Variants in CFAP58 observed in about 807,000 individuals in gnomAD.
The protein encoded by CFAP58 is cilia and flagella associated protein 58, also known as cilia- and flagella-associated protein 58.
A neutral mutation model predicts 119.5 loss-of-function variants in CFAP58; 88 were observed. The observed-to-expected ratio is 0.74, with a 90% CI of 0.62 to 0.88. The LOEUF (loss-of-function observed/expected upper bound fraction) is 0.88. Ranked by LOEUF, CFAP58 falls within the 40% of genes least tolerant of loss-of-function variation. The pLI is 0.00. For synonymous variants in CFAP58, 365 were observed against 366.3 expected, an observed-to-expected ratio of 1.00 and a Z score of 0.04; for missense variants, 990 against 1,021.2, an observed-to-expected ratio of 0.97 and a Z score of 0.42.
At chr10:104,343,388 G>T in the CFAP58 span, among the ~76,000 whole-genome samples, 1 of 152,204 alleles carries the variant, frequency 6.6e-6, no homozygotes, top group Non-Finnish European at 1.5e-5. Context: ...TTGCTGGTTA[G>T]TGACTGAATA....
chr10:104,440,413 A>G (rs1589937203), intron 15 of CFAP58, among the ~76,000 whole-genome samples: 1 of 152,238 alleles, frequency 6.6e-6, no homozygotes, highest in Admixed American at 6.5e-5. Flanking sequence ...CGGTAATCTG[A>G]TACCCATCCT....
intron 14 of CFAP58, among the ~76,000 whole-genome samples, chr10:104,406,302 C>T (rs1283188606): frequency 6.6e-6 from 1 of 152,168 alleles, no homozygotes; most frequent in Non-Finnish European, 1.5e-5. Flanking sequence ...AGAAGACATA[C>T]TGTCTCCTAG....
intron 8 of CFAP58, 73 bp from the exon 9 acceptor site, chr10:104,379,956 G>A (rs1181050045): frequency 4.9e-6 from 6 of 1,214,510 alleles, no homozygotes; most frequent in Non-Finnish European, 7.0e-6. Context: ...TTAGAGATGA[G>A]GCAGAGGGTA....
At chr10:104,378,112 GTATTTTT>G (rs1201409313) in intron 8 of CFAP58, among the ~76,000 whole-genome samples, 1 of 152,076 alleles carries the variant, frequency 6.6e-6, no homozygotes, top group African/African-American at 2.4e-5. Context: ...GTATACTTTT[GTATTTTT>G]TATTTCCTGG....
At position 104,370,933 on chromosome 10, in the gene CFAP58, C is replaced by T. The variant is rs752248191; in HGVS notation, c.969C>T (p.Ile323=). 6.7e-5 allele frequency: 108 copies of T among 1,613,150 alleles called. 1 individual carries two copies. The Middle Eastern group carries it at 9.9e-4, about 15-fold the overall frequency. Residue 323 remains isoleucine (I), a synonymous_variant, in exon 7 of 18, where the codon ATC becomes ATT. Coordinates refer to ENST00000369704, the MANE Select transcript of CFAP58 (RefSeq NM_001008723.2). ...EEEVHQMRLD[I]GKLNKIREQI... ...AAGTCCATCAAATGCGCCTTGACAT[C>T]GGGAAGCTCAACAAAATCAGAGAAC... is the stretch of plus-strand genomic sequence containing the variant.
At chr10:104,361,879 C>A in intron 2 of CFAP58, 144 bp from the exon 3 acceptor site, 1 of 733,568 alleles carries the variant, frequency 1.4e-6, no homozygotes, top group Non-Finnish European at 2.2e-6. Flanking sequence ...GTGCTATTCA[C>A]TATTGACTAG....
chr10:104,362,343 T>G (rs2014679483), intron 3 of CFAP58, among the ~76,000 whole-genome samples, 172 bp downstream of exon 3: 1 of 152,236 alleles, frequency 6.6e-6, no homozygotes, highest in African/African-American at 2.4e-5. Flanking sequence ...TAATGTTCTT[T>G]TCTCCACACC....
At chr10:104,343,084 G>T in the CFAP58 span, among the ~76,000 whole-genome samples, 1 of 152,138 alleles carries the variant, frequency 6.6e-6, no homozygotes, top group Non-Finnish European at 1.5e-5. Flanking sequence ...GGGAAAAAAG[G>T]GCACTTCCCT....
chr10:104,454,557 G>C lies in CFAP58; in HGVS notation c.*27G>C. On this transcript the variant is annotated 3_prime_UTR_variant, in exon 18 of 18. Transcript: ENST00000369704. ...CTGAAGCTGCTGGCTGTTTCCAGTT[G>C]AACAACTCATGAAATCTGCTCTGGG... 6.5e-7 allele frequency: 1 copy of C among 1,536,452 alleles called. No homozygotes were observed.
chr10:104,450,226 T>A, intron 17 of CFAP58, 22 bp downstream of exon 17: 1 of 1,610,372 alleles, frequency 6.2e-7, no homozygotes, highest in Non-Finnish European at 8.5e-7. Context: ...TCAAACGTCC[T>A]AATTTTGTTG....
intron 15 of CFAP58, among the ~76,000 whole-genome samples, chr10:104,411,511 T>TG (rs2012460155): frequency 6.6e-6 from 1 of 152,200 alleles, no homozygotes; most frequent in Admixed American, 6.5e-5. Flanking sequence ...TCTTTTTGTG[T>TG]TTTGTGATTT....
At chr10:104,382,413 G>A (rs2011829923) in intron 9 of CFAP58, 1 of 506,986 alleles carries the variant, frequency 2.0e-6, no homozygotes, top group Non-Finnish European at 3.6e-6. Flanking sequence ...TCTCCATTCC[G>A]AGGTGCCATC....
intron 1 of CFAP58, 141 bp from the exon 2 acceptor site, chr10:104,358,200 T>C (rs1589907060): frequency 2.6e-6 from 2 of 757,942 alleles, no homozygotes; most frequent in East Asian, 5.4e-5. Flanking sequence ...TCCTGTCATA[T>C]AATCTTAATT....
Position 104,403,771 on chromosome 10 carries a change from G to A in CFAP58, c.2082G>A (p.Arg694=), listed in dbSNP as rs753850321. 1.2e-6 allele frequency: 2 copies of A among 1,612,574 alleles called. No homozygotes were observed. Among genetic ancestry groups the A allele is most frequent in the South Asian group, 2.2e-5 (2 of 90,692 alleles). Residue 694 remains arginine, a synonymous_variant, in exon 14 of 18, where the codon AGG becomes AGA. Transcript: ENST00000369704. ...FHMQRELLKE[R]TRCRALEEEL... is the part of the protein sequence containing the mutation. ...TGCAAAGAGAATTGTTGAAGGAGAG[G>A]ACACGCTGCCGAGCCCTGGAGGAGG...
chr10:104,351,079 A>C (rs1385097563), upstream of CFAP58, among the ~76,000 whole-genome samples: 2 of 152,196 alleles, frequency 1.3e-5, no homozygotes, highest in African/African-American at 2.4e-5. Flanking sequence ...CCCAATGTGT[A>C]ATCAGGTTTC....
intron 3 of CFAP58, among the ~76,000 whole-genome samples, chr10:104,363,425 A>C (rs972695529): frequency 1.3e-5 from 2 of 152,182 alleles, no homozygotes; most frequent in Non-Finnish European, 2.9e-5. Flanking sequence ...CAACACTGAC[A>C]GATAGTTCTA....
chr10:104,434,555 C>T (rs2012900003), intron 15 of CFAP58, among the ~76,000 whole-genome samples: 2 of 152,216 alleles, frequency 1.3e-5, no homozygotes, highest in South Asian at 4.1e-4. Context: ...AACATTCATG[C>T]AGCCTGGTTC....
intron 15 of CFAP58, among the ~76,000 whole-genome samples, chr10:104,439,454 T>A (rs1049638867): frequency 4.6e-5 from 7 of 152,202 alleles, no homozygotes; most frequent in African/African-American, 1.7e-4. Flanking sequence ...TAGCACATTA[T>A]TACAATTAAA....
At chr10:104,383,092 A>G (rs1432913457) in intron 9 of CFAP58, among the ~76,000 whole-genome samples, 1 of 152,146 alleles carries the variant, frequency 6.6e-6, no homozygotes, top group African/African-American at 2.4e-5. Context: ...CATTAATGGG[A>G]TAGAGTCCAA....
Sources: gnomAD v4.1 joint callset for allele counts (sites outside exome capture counted in the v4.1 genomes callset) on GRCh38, gnomAD v4.1.1 for gene constraint, MANE v1.5 for transcripts, NCBI Gene and HGNC (gene_info 2026-07-23, HGNC 2026-07-21) for gene names.